Variants in PDXDC1 observed in about 807,000 individuals in gnomAD.
PDXDC1 encodes pyridoxal-dependent decarboxylase domain-containing protein 1.
PDXDC1 carries 42 observed loss-of-function variants against 100.1 expected under a neutral mutation model. The observed-to-expected ratio is 0.42, with a 90% CI of 0.33 to 0.54. PDXDC1 has a LOEUF of 0.54. PDXDC1 is among the 20% of genes least tolerant of loss of function. The pLI is 0.10. For synonymous variants in PDXDC1, 260 were observed against 371.7 expected (o/e 0.70, Z 3.46); for missense variants, 636 against 979.2 (o/e 0.65, Z 4.68).
At chr16:15,081,375 T>C (rs1297439323) in intron 16 of PDXDC1, among the ~76,000 whole-genome samples, 1 of 152,228 alleles carries the variant, frequency 6.6e-6, no homozygotes, top group Non-Finnish European at 1.5e-5. Flanking sequence ...CATATCCTTG[T>C]GAACACTTGT....
At position 15,106,636 on chromosome 16, in the gene PDXDC1, G is replaced by T. The variant is rs530218451; in HGVS notation, c.1400-32243G>T. Among the ~76,000 whole-genome samples, 63 of 148,552 alleles carry T rather than the reference G, an allele frequency of 4.2e-4. 1 individual carries two copies. The highest frequency in any genetic ancestry group is 9.7e-4 in the East Asian group (5 of 5,138). ...CGGGCGTGGTGGCAGGCACCTGTAA[G>T]CCCAGCTACTCGGGAGGCTGAGGCA... On this transcript the variant is annotated intron_variant, in intron 16 of 16. Coordinates refer to the PDXDC1 transcript ENST00000535621.
the PDXDC1 span, among the ~76,000 whole-genome samples, chr16:15,145,545 A>G: frequency 1.3e-5 from 2 of 152,230 alleles, no homozygotes; most frequent in Admixed American, 1.3e-4. Context: ...TGGCGCTGCT[A>G]AGGTCAGGAA....
downstream of PDXDC1, chr16:15,041,593 C>T (rs1459445808): frequency 6.4e-7 from 1 of 1,559,322 alleles, no homozygotes; most frequent in Admixed American, 1.7e-5. Context: ...AGACCCACAT[C>T]TTTGCTTTGG....
chr16:15,146,449 C>T, the PDXDC1 span, among the ~76,000 whole-genome samples: 13 of 152,154 alleles, frequency 8.5e-5, no homozygotes, highest in African/African-American at 2.9e-4. Flanking sequence ...GGACGATACT[C>T]GCGGCTCTGC....
chr16:15,071,001 G>A, intron 16 of PDXDC1: 1 of 782,388 alleles, frequency 1.3e-6, no homozygotes, highest in East Asian at 2.6e-5. Context: ...GCACAGAGTA[G>A]GGATTTTATT....
chr16:14,997,609 A>G (rs1203996790), intron 1 of PDXDC1, 144 bp from the exon 2 acceptor site: 2 of 948,832 alleles, frequency 2.1e-6, no homozygotes, highest in Admixed American at 6.0e-5. Context: ...TTTCTGTTAT[A>G]CTTTTGTACT....
chr16:15,148,773 GCTCT>G, the PDXDC1 span, among the ~76,000 whole-genome samples: 15 of 152,062 alleles, frequency 9.9e-5, no homozygotes, highest in Admixed American at 7.2e-4. Flanking sequence ...ACCTGCAGGT[GCTCT>G]CTGTCTCCAC....
intron 1 of PDXDC1, among the ~76,000 whole-genome samples, chr16:14,986,637 T>C (rs1306528804): frequency 6.6e-6 from 1 of 152,304 alleles, no homozygotes; most frequent in Non-Finnish European, 1.5e-5. Context: ...ATATAATTTA[T>C]GAATTTGTAG....
At chr16:15,133,173 A>T (rs529217844) in intron 16 of PDXDC1, 8 of 934,726 alleles carry the variant, frequency 8.6e-6, no homozygotes, top group Non-Finnish European at 1.3e-5. Context: ...GGCCCGGGAT[A>T]AGCCCTCCGC....
downstream of PDXDC1, among the ~76,000 whole-genome samples, chr16:15,142,818 T>C (rs1400399753): frequency 6.6e-6 from 1 of 151,740 alleles, no homozygotes; most frequent in African/African-American, 2.4e-5. Flanking sequence ...GCCCCCACGT[T>C]CTGGTTCCCT....
chr16:15,110,338 C>A (rs1273537765), intron 16 of PDXDC1: 2 of 1,285,586 alleles, frequency 1.6e-6, no homozygotes, highest in African/African-American at 2.9e-5. Flanking sequence ...AGAAAATATT[C>A]TCAAGGACTT....
In PDXDC1 at chr16:15,037,807, A is replaced by AT; in HGVS notation, c.*1532_*1533insT. 2.2e-6 allele frequency: 1 copy of AT among 457,714 alleles called. No homozygotes were observed. The allele number at this position is 457,714 out of a possible 1,614,324, so 28.4% of individuals were successfully genotyped here. ...CCCGTTATTACCGACCAAAAAAAAA[A>AT]CTGGACATCAATTTTTTAGTAAACC... On this transcript the variant is annotated 3_prime_UTR_variant, in exon 23 of 23. Transcript: ENST00000396410.
chr16:15,015,726 A>AC (rs113644949), intron 8 of PDXDC1: 49,534 of 259,064 alleles, frequency 0.19, 2,500 homozygotes, highest in East Asian at 0.43. Flanking sequence ...AAAAAAAAAA[A>AC]AAAACAGTTA....
chr16:15,149,154 C>G, the PDXDC1 span, among the ~76,000 whole-genome samples: 3 of 152,176 alleles, frequency 2.0e-5, no homozygotes, highest in African/African-American at 7.2e-5. Context: ...GACTGAGGCC[C>G]TACCCCTGCC....
chr16:15,146,242 G>A, the PDXDC1 span, among the ~76,000 whole-genome samples: 15 of 152,242 alleles, frequency 9.9e-5, no homozygotes, highest in East Asian at 9.7e-4. Context: ...ACAGAAAGCC[G>A]GGAAGGGGGA....
At chr16:15,022,426 T>A (rs572979034) in intron 12 of PDXDC1, among the ~76,000 whole-genome samples, 1 of 152,292 alleles carries the variant, frequency 6.6e-6, no homozygotes, top group Non-Finnish European at 1.5e-5. Context: ...GTGTTTATAC[T>A]CAGTAGCTTT....
At chr16:15,012,953 C>T (rs1369356317) in intron 8 of PDXDC1, among the ~76,000 whole-genome samples, 20 of 152,370 alleles carry the variant, frequency 1.3e-4, no homozygotes, top group African/African-American at 3.1e-4. Context: ...GGGCAGATTA[C>T]GAGGTCAGGA....
intron 4 of PDXDC1, among the ~76,000 whole-genome samples, chr16:15,002,892 C>T (rs1305539456): frequency 6.6e-5 from 10 of 152,228 alleles, no homozygotes; most frequent in South Asian, 4.1e-4. Flanking sequence ...CAGCATAATT[C>T]GAATTTGCAG....
chr16:15,098,088 G>A (rs1356067183), intron 16 of PDXDC1, among the ~76,000 whole-genome samples: 1 of 150,648 alleles, frequency 6.6e-6, no homozygotes, highest in Non-Finnish European at 1.5e-5. Flanking sequence ...GAATATTCTT[G>A]TATCATGTCC....
Sources: gnomAD v4.1 joint callset for allele counts (sites outside exome capture counted in the v4.1 genomes callset) on GRCh38, gnomAD v4.1.1 for gene constraint, MANE v1.5 for transcripts, NCBI Gene and HGNC (gene_info 2026-07-23, HGNC 2026-07-21) for gene names.